The following CYB5R3 variants were observed in gnomAD, a reference collection of about 807,000 sequenced individuals.
CYB5R3 encodes the protein cytochrome b5 reductase 3.
Under a neutral mutation model 36.5 loss-of-function variants are expected in CYB5R3, and 28 were observed. That is an observed-to-expected ratio of 0.77 (90% CI 0.57 to 1.05). CYB5R3 has a LOEUF of 1.05. Ranked by LOEUF, CYB5R3 falls within the 50% of genes least tolerant of loss-of-function variation. The probability of loss-of-function intolerance (pLI) is 0.00; values close to 1 mark genes in which losing one functional copy is unlikely to be tolerated. For synonymous variants in CYB5R3, 181 were observed against 159.8 expected (o/e 1.13, Z -1.00); for missense variants, 474 against 408.9 (o/e 1.16, Z -1.37).
chr22:42,625,344 TA>T (rs1286341367), intron 7 of CYB5R3, among the ~76,000 whole-genome samples: 1 of 151,978 alleles, frequency 6.6e-6, no homozygotes, highest in Non-Finnish European at 1.5e-5. Flanking sequence ...CCGTCTCTAC[TA>T]AAAATATAAA....
At chr22:42,641,947 A>G (rs995668311) in intron 1 of CYB5R3, among the ~76,000 whole-genome samples, 1 of 152,182 alleles carries the variant, frequency 6.6e-6, no homozygotes, top group Non-Finnish European at 1.5e-5. Context: ...TCAACTATAC[A>G]GGTCAGCCCC....
chr22:42,644,702 G>A (rs1246408963), intron 1 of CYB5R3: 2 of 980,284 alleles, frequency 2.0e-6, no homozygotes, highest in African/African-American at 3.5e-5. Flanking sequence ...TAGAGTCTAG[G>A]GAAAAAGTTG....
intron 2 of CYB5R3, among the ~76,000 whole-genome samples, chr22:42,635,057 C>CCTCCCAGGTTCACGTCATT (rs1410310832): frequency 1.3e-5 from 2 of 151,876 alleles, no homozygotes; most frequent in African/African-American, 4.8e-5. Flanking sequence ...GCAAGCTCCG[C>CCTCCCAGGTTCACGTCATT]CTCCCAGGTT....
At chr22:42,641,809 C>T (rs1278315095) in intron 1 of CYB5R3, among the ~76,000 whole-genome samples, 4 of 151,902 alleles carry the variant, frequency 2.6e-5, no homozygotes, top group African/African-American at 7.3e-5. Flanking sequence ...TTAGTAGAGC[C>T]GGGGTTTTTT....
intron 8 of CYB5R3, among the ~76,000 whole-genome samples, chr22:42,620,861 G>C (rs1252285531): frequency 6.6e-6 from 1 of 152,158 alleles, no homozygotes; most frequent in Non-Finnish European, 1.5e-5. Flanking sequence ...AGTGATACGT[G>C]TGGCCCATTC....
At chr22:42,644,558 C>T (rs1258652773) in intron 1 of CYB5R3, 3 of 1,523,730 alleles carry the variant, frequency 2.0e-6, no homozygotes, top group Non-Finnish European at 2.6e-6. Flanking sequence ...GAGCCCTTCC[C>T]TAGCTAACCA....
At position 42,617,858 on chromosome 22, in the gene CYB5R3, T is replaced by G. The variant is rs1927707289; in HGVS notation, c.*1915A>C. 6.6e-6 allele frequency: 1 copy of G among 152,324 alleles called. No homozygotes were observed. The highest frequency in any genetic ancestry group is 2.1e-4 in the South Asian group (1 of 4,836). 9.4% of individuals were successfully genotyped at this position (152,324 alleles called of 1,614,324 possible). On this transcript the variant is annotated 3_prime_UTR_variant, in exon 9 of 9. Coordinates refer to ENST00000352397, the MANE Select transcript of CYB5R3 (RefSeq NM_000398.7). ...TCTTCGATCTGTTTCTGAAAGTTTA[T>G]TCCACAAGCTGGTTCCAACGGCAGG... is the stretch of plus-strand genomic sequence containing the variant.
chr22:42,648,952 T>C (rs1031566362), intron 1 of CYB5R3, among the ~76,000 whole-genome samples: 2 of 151,658 alleles, frequency 1.3e-5, no homozygotes, highest in African/African-American at 4.8e-5. Flanking sequence ...ACACTCACAC[T>C]CAGCGGCACA....
At chr22:42,627,517 C>G in intron 6 of CYB5R3, 88 bp downstream of exon 6, 1 of 1,475,340 alleles carries the variant, frequency 6.8e-7, no homozygotes, top group Non-Finnish European at 9.5e-7. Context: ...CTGGTAGCTC[C>G]CAGGCACTCA....
At chr22:42,645,589 G>C (rs1157601012) in intron 1 of CYB5R3, among the ~76,000 whole-genome samples, 9 of 152,110 alleles carry the variant, frequency 5.9e-5, no homozygotes, top group Non-Finnish European at 1.3e-4. Flanking sequence ...GAGAGTCAAG[G>C]ACCTTCCTTC....
At chr22:42,620,228 A>G (rs1927893679) in intron 8 of CYB5R3, among the ~76,000 whole-genome samples, 2 of 152,190 alleles carry the variant, frequency 1.3e-5, no homozygotes, top group African/African-American at 2.4e-5. Context: ...CCCTTGGAAC[A>G]ACCCAGTGGG....
chr22:42,627,773 T>A, intron 5 of CYB5R3, 85 bp from the exon 6 acceptor site: 16 of 1,016,334 alleles, frequency 1.6e-5, no homozygotes, highest in Non-Finnish European at 2.3e-5. Context: ...CTGGAGAACC[T>A]GCCCCCACTG....
At chr22:42,627,868 G>A (rs1449767696) in intron 5 of CYB5R3, among the ~76,000 whole-genome samples, 180 bp from the exon 6 acceptor site, 2 of 152,182 alleles carry the variant, frequency 1.3e-5, no homozygotes, top group Non-Finnish European at 2.9e-5. Flanking sequence ...GAACCCGGAG[G>A]CTCAGCTCTG....
At chr22:42,630,090 C>T (rs1201248475) in intron 4 of CYB5R3, among the ~76,000 whole-genome samples, 1 of 152,198 alleles carries the variant, frequency 6.6e-6, no homozygotes, top group Non-Finnish European at 1.5e-5. Flanking sequence ...GCCACTGTGC[C>T]TGGCTGAAAG....
intron 1 of CYB5R3, chr22:42,646,529 T>C: frequency 2.3e-6 from 1 of 434,598 alleles, no homozygotes. Context: ...CAGGCCAGGT[T>C]AGGGGTGGGC....
intron 1 of CYB5R3, among the ~76,000 whole-genome samples, chr22:42,637,696 C>T (rs914681075): frequency 5.3e-5 from 8 of 152,158 alleles, no homozygotes; most frequent in African/African-American, 9.7e-5. Flanking sequence ...AGGGCCACGT[C>T]GGGTACCACA....
rs1929036379 is a variant in CYB5R3, at chr22:42,638,595, G to T, written c.22-1749C>A. On this transcript the variant is annotated intron_variant, in intron 1 of 8. Transcript: ENST00000352397. ...GTTGGTTAGAAAACCTGAATCCCTG[G>T]GCGGGCACAGTGGCGCATGCCTGTA... is the stretch of plus-strand genomic sequence containing the variant. Among the ~76,000 whole-genome samples the T allele has an allele frequency of 2.7e-5, 4 of 149,582 alleles. No homozygotes were observed. In the South Asian group the frequency reaches 8.5e-4, roughly 32 times the overall value.
In CYB5R3 at chr22:42,627,632, A is replaced by G; in HGVS notation, c.520T>C (p.Ser174Pro). The change falls in exon 6 of 9, where the codon TCT (serine) becomes CCT (proline). Residue 174 changes from serine (S) to proline (P), a missense_variant. Coordinates refer to ENST00000352397, the MANE Select transcript of CYB5R3 (RefSeq NM_000398.7). ...KSNPIIRTVK[S>P]VGMIAGGTGI... ...GTCCCTCCCGCGATCATGCCCACAG[A>G]CTTCACTGTCCTGATGATAGGGTTG... The G allele has an allele frequency of 6.2e-7, 1 of 1,614,004 alleles. No individual in the cohort carries two copies. Among genetic ancestry groups the G allele is most frequent in the Non-Finnish European group, 8.5e-7 (1 of 1,179,978 alleles).
rs547792815 is a variant in CYB5R3 at position 42,629,727 on chromosome 22, T to C, written c.333+1155A>G. On this transcript the variant is annotated intron_variant, in intron 4 of 8. Transcript: ENST00000352397. ...GGAGGCTATAGGGCTTTGGCCTTGA[T>C]TGGGGAGGGTCTCCAACACCCCACA... is the stretch of plus-strand genomic sequence containing the variant. Among the ~76,000 whole-genome samples, 10 of 152,230 alleles carry C rather than the reference T, an allele frequency of 6.6e-5. No individual in the cohort carries two copies. In the East Asian group the frequency reaches 9.7e-4, roughly 15 times the overall value.
Sources: gnomAD v4.1 joint callset for allele counts (sites outside exome capture counted in the v4.1 genomes callset) on GRCh38, gnomAD v4.1.1 for gene constraint, MANE v1.5 for transcripts, NCBI Gene and HGNC (gene_info 2026-07-23, HGNC 2026-07-21) for gene names.